LARGE1: variants seen among roughly 807,000 people sequenced by gnomAD.
LARGE1 encodes LARGE xylosyl- and glucuronyltransferase 1.
LARGE1 carries 43 observed loss-of-function variants against 87.6 expected under a neutral mutation model. That is an observed-to-expected ratio of 0.49 (90% CI 0.38 to 0.63). LARGE1 has a LOEUF of 0.63. Among genes scored for constraint, LARGE1 ranks in the 30% least tolerant of loss-of-function variants. The probability of loss-of-function intolerance (pLI) is 0.00; values close to 1 mark genes in which losing one functional copy is unlikely to be tolerated. For missense variants in LARGE1, 802 were observed against 1,000.2 expected, an observed-to-expected ratio of 0.80 and a Z score of 2.67; for synonymous variants, 434 against 394.6, an observed-to-expected ratio of 1.10 and a Z score of -1.18.
chr22:33,107,392 C>A, the LARGE1 span, among the ~76,000 whole-genome samples: 1 of 151,614 alleles, frequency 6.6e-6, no homozygotes, highest in East Asian at 1.9e-4. Context: ...GGCAAAACCC[C>A]ATCTCTACGA....
chr22:33,259,177 C>CA lies in LARGE1; in HGVS notation c.1730+45051dup, dbSNP rs1227910801. Among the ~76,000 whole-genome samples the CA allele has an allele frequency of 3.3e-5, 5 of 152,284 alleles. No individual in the cohort carries two copies. In the East Asian group the frequency reaches 9.7e-4, roughly 29 times the overall value. On this transcript the variant is annotated intron_variant, in intron 11 of 11. Coordinates refer to the LARGE1 transcript ENST00000608642. ...ACAGGCATGAGCCACTACACCCGGC[C>CA]AACTTTATCTTTATTCTAAGAAATG...
intron 11 of LARGE1, among the ~76,000 whole-genome samples, chr22:33,256,185 A>G (rs756987467): frequency 2.0e-5 from 3 of 152,212 alleles, no homozygotes; most frequent in South Asian, 2.1e-4. Flanking sequence ...AGCTCTTTCA[A>G]TCTTTCCAAT....
At chr22:33,433,465 G>A (rs971983658) in intron 6 of LARGE1, among the ~76,000 whole-genome samples, 15 of 151,786 alleles carry the variant, frequency 9.9e-5, no homozygotes, top group African/African-American at 2.9e-4. Context: ...GCGTGGTGGC[G>A]GGCACCTGTA....
chr22:33,484,442 A>G (rs1163714082), intron 6 of LARGE1, among the ~76,000 whole-genome samples: 1 of 152,194 alleles, frequency 6.6e-6, no homozygotes, highest in African/African-American at 2.4e-5. Context: ...ACAAATGTTA[A>G]AGGATGATCA....
At chr22:33,314,872 C>A (rs1213778334) in intron 11 of LARGE1, among the ~76,000 whole-genome samples, 2 of 152,254 alleles carry the variant, frequency 1.3e-5, no homozygotes, top group East Asian at 3.9e-4. Context: ...GACCTTGGGG[C>A]TTCAAATCCA....
At chr22:33,586,366 T>C (rs1339563123) in intron 5 of LARGE1, among the ~76,000 whole-genome samples, 1 of 152,084 alleles carries the variant, frequency 6.6e-6, no homozygotes, top group Admixed American at 6.6e-5. Context: ...TCACAAGTCA[T>C]ATGCAGGTGA....
At chr22:33,353,601 G>A (rs1940609625) in intron 9 of LARGE1, among the ~76,000 whole-genome samples, 1 of 152,188 alleles carries the variant, frequency 6.6e-6, no homozygotes, top group Admixed American at 6.5e-5. Flanking sequence ...AGTACTGTGT[G>A]TAGGCTTACG....
chr22:33,684,427 G>T (rs1253618581), intron 2 of LARGE1, among the ~76,000 whole-genome samples: 1 of 151,938 alleles, frequency 6.6e-6, no homozygotes, highest in Non-Finnish European at 1.5e-5. Context: ...CTGCCCCCGA[G>T]AAACAAGACG....
At chr22:33,583,873 T>A (rs533663566) in intron 5 of LARGE1, among the ~76,000 whole-genome samples, 1 of 152,166 alleles carries the variant, frequency 6.6e-6, no homozygotes, top group Non-Finnish European at 1.5e-5. Context: ...CCAAGACACA[T>A]ATATAGGCAT....
intron 10 of LARGE1, among the ~76,000 whole-genome samples, chr22:33,326,430 C>G (rs1030787277): frequency 1.3e-5 from 2 of 152,206 alleles, no homozygotes; most frequent in African/African-American, 2.4e-5. Flanking sequence ...AATCACAACA[C>G]AAACCTTAAT....
intron 3 of LARGE1, among the ~76,000 whole-genome samples, chr22:33,630,202 AAAAAAACCCC>A (rs938206965): frequency 2.0e-5 from 3 of 152,046 alleles, no homozygotes; most frequent in African/African-American, 7.2e-5. Flanking sequence ...TCGGTCTCAA[AAAAAAACCCC>A]AAAAAACCGA....
rs989756382 is a variant in LARGE1 at position 33,501,343 on chromosome 22, G to A, written c.787+63505C>T. Among the ~76,000 whole-genome samples, 4 of 152,202 alleles carry A rather than the reference G, an allele frequency of 2.6e-5. 1 individual carries two copies. In the East Asian group the frequency reaches 7.7e-4, roughly 29 times the overall value. On this transcript the variant is annotated intron_variant, in intron 6 of 14. Coordinates refer to ENST00000397394, the MANE Select transcript of LARGE1 (RefSeq NM_133642.5). ...GCAGGAAACAGAAGACGCTGACTTG[G>A]GGAGAGGATGGGAGATCGCCTCTGT...
intron 6 of LARGE1, among the ~76,000 whole-genome samples, chr22:33,559,476 C>G (rs1252089155): frequency 6.6e-6 from 1 of 152,244 alleles, no homozygotes. Flanking sequence ...GCCACCACAC[C>G]CTGCTGATGG....
intron 3 of LARGE1, among the ~76,000 whole-genome samples, chr22:33,628,305 CA>C (rs1268495706): frequency 7.0e-6 from 1 of 143,616 alleles, no homozygotes; most frequent in African/African-American, 2.6e-5. Flanking sequence ...AATTCTGAAA[CA>C]GACTGTTTTT....
At chr22:33,099,543 C>T in the LARGE1 span, among the ~76,000 whole-genome samples, 2 of 152,124 alleles carry the variant, frequency 1.3e-5, no homozygotes, top group Non-Finnish European at 2.9e-5. Flanking sequence ...TGAGCCACCG[C>T]GCCCGGCGAG....
chr22:33,629,446 T>A (rs2080033190), intron 3 of LARGE1, among the ~76,000 whole-genome samples: 1 of 152,218 alleles, frequency 6.6e-6, no homozygotes. Flanking sequence ...CTCTTTAGTT[T>A]CATCGAATAC....
chr22:33,757,007 T>A (rs73170572), intron 2 of LARGE1, among the ~76,000 whole-genome samples: 6,532 of 151,884 alleles, frequency 0.043, 157 homozygotes, highest in Middle Eastern at 0.082. Flanking sequence ...GAAAGAAAGG[T>A]GGACTGGGAA....
rs140124907 is a variant in LARGE1 at position 33,849,165 on chromosome 22, A to T, written c.-83+70830T>A. The stretch of plus-strand genomic sequence containing the variant: ...ATAGTGTGTCATCAGTCTCATCAAT[A>T]GTTAATGCTTTTGCCTCCCGGAGTC... On this transcript the variant is annotated intron_variant, in intron 1 of 14. Transcript: ENST00000397394. 2.0e-5 allele frequency among the ~76,000 whole-genome samples: 3 copies of T among 152,304 alleles called. No homozygotes were observed. The East Asian group carries it at 5.8e-4, about 29-fold the overall frequency.
chr22:33,215,812 C>T (rs1160728517), intron 11 of LARGE1, among the ~76,000 whole-genome samples: 20 of 152,166 alleles, frequency 1.3e-4, no homozygotes, highest in Non-Finnish European at 1.5e-5. Context: ...AAAGATTAGC[C>T]AGGTGTGGTG....
Sources: gnomAD v4.1 joint callset for allele counts (sites outside exome capture counted in the v4.1 genomes callset) on GRCh38, gnomAD v4.1.1 for gene constraint, MANE v1.5 for transcripts, NCBI Gene and HGNC (gene_info 2026-07-23, HGNC 2026-07-21) for gene names.